The following GLIS1 variants were observed in gnomAD, a reference collection of about 807,000 sequenced individuals.
GLIS1 encodes zinc finger protein GLIS1.
GLIS1 carries 24 observed loss-of-function variants against 63.8 expected under a neutral mutation model. The ratio of observed to expected loss-of-function variants is 0.38; its 90% confidence interval spans 0.27 to 0.53. The LOEUF (loss-of-function observed/expected upper bound fraction) is 0.53. Among genes scored for constraint, GLIS1 ranks in the 20% least tolerant of loss-of-function variants. GLIS1 has a pLI of 0.85. For synonymous variants in GLIS1, 450 were observed against 482.5 expected, an observed-to-expected ratio of 0.93 and a Z score of 0.88; for missense variants, 1,036 against 1,074.1, an observed-to-expected ratio of 0.96 and a Z score of 0.50.
intron 2 of GLIS1, among the ~76,000 whole-genome samples, chr1:53,668,821 C>A (rs1004832968): frequency 2.6e-4 from 40 of 152,138 alleles, no homozygotes; most frequent in African/African-American, 8.9e-4. Context: ...CAGACAACAA[C>A]AAAATCACCT....
At chr1:53,688,767 A>G (rs1014823974) in intron 2 of GLIS1, 4 of 152,206 alleles carry the variant, frequency 2.6e-5, no homozygotes, top group Admixed American at 1.3e-4. Context: ...TTTCTGGTGA[A>G]AACCAAAAAA....
intron 2 of GLIS1, among the ~76,000 whole-genome samples, chr1:53,656,670 A>G (rs1645968761): frequency 6.6e-6 from 1 of 152,214 alleles, no homozygotes; most frequent in Non-Finnish European, 1.5e-5. Context: ...CACGGATTCC[A>G]TTTGCAACAA....
intron 6 of GLIS1, 144 bp downstream of exon 6, chr1:53,524,633 G>A: frequency 3.1e-6 from 2 of 643,052 alleles, no homozygotes; most frequent in Non-Finnish European, 5.6e-6. Context: ...GTGGACGGAC[G>A]GACGAACGGA....
rs78074913 is a variant in GLIS1 at position 53,627,581 on chromosome 1, C to T, written c.260-27303G>A. Among the ~76,000 whole-genome samples, 38 of 152,292 alleles carry T rather than the reference C, an allele frequency of 2.5e-4. No homozygotes were observed. In the East Asian group the frequency reaches 6.9e-3, roughly 28 times the overall value. The stretch of plus-strand genomic sequence containing the variant: ...GACGAATGAAATTTAAAATCCCTTT[C>T]GACAGATTAACTAGACGCACTTTGA... On this transcript the variant is annotated intron_variant, in intron 2 of 10. Coordinates refer to ENST00000628545, the MANE Select transcript of GLIS1 (RefSeq NM_001367484.1).
chr1:53,572,167 G>C (rs1195209898), intron 4 of GLIS1, among the ~76,000 whole-genome samples: 2 of 152,238 alleles, frequency 1.3e-5, no homozygotes, highest in African/African-American at 4.8e-5. Flanking sequence ...ACATGAGTCA[G>C]GGCTCTGGGG....
In GLIS1 at chr1:53,514,764, T is replaced by C. The variant is rs1313529098; in HGVS notation, c.1744A>G (p.Ile582Val). The change falls in exon 8 of 11, where the codon ATC (isoleucine) becomes GTC (valine). Residue 582 changes from isoleucine to valine, a missense_variant. Transcript: ENST00000628545. ...ELLPGVYPGS[I>V]TPHNGLASGL... ...GATGCAAGTCCGTTATGGGGGGTGA[T>C]GGAGCCAGGATACACACCTGCAGGG... 6.2e-7 allele frequency: 1 copy of C among 1,600,350 alleles called. No homozygotes were observed. Among genetic ancestry groups the C allele is most frequent in the Admixed American group, 1.7e-5 (1 of 59,104 alleles).
At chr1:53,690,098 C>T (rs1282534246) in intron 2 of GLIS1, among the ~76,000 whole-genome samples, 4 of 152,222 alleles carry the variant, frequency 2.6e-5, no homozygotes, top group African/African-American at 9.6e-5. Flanking sequence ...TGTGAGCACC[C>T]TGCGTCATGC....
chr1:53,626,192 T>C (rs887089955), intron 2 of GLIS1, among the ~76,000 whole-genome samples: 1 of 152,194 alleles, frequency 6.6e-6, no homozygotes, highest in African/African-American at 2.4e-5. Flanking sequence ...GACCAGAACC[T>C]GGCCAAATAG....
chr1:53,716,266 C>G (rs1557538269), intron 2 of GLIS1, among the ~76,000 whole-genome samples: 1 of 152,072 alleles, frequency 6.6e-6, no homozygotes, highest in African/African-American at 2.4e-5. Context: ...GGTAGGGGCC[C>G]AACAGTGAGA....
intron 2 of GLIS1, among the ~76,000 whole-genome samples, chr1:53,628,883 C>T (rs1645623549): frequency 6.6e-6 from 1 of 152,178 alleles, no homozygotes; most frequent in Admixed American, 6.5e-5. Context: ...GGACAGAATC[C>T]TGGCTCGTCT....
intron 4 of GLIS1, among the ~76,000 whole-genome samples, chr1:53,543,763 AC>A (rs34465315): frequency 6.7e-6 from 1 of 149,618 alleles, no homozygotes; most frequent in Admixed American, 6.7e-5. Context: ...GAGGTGACCC[AC>A]CCCTCACCTG....
At chr1:53,632,926 G>C (rs1411776132) in intron 2 of GLIS1, among the ~76,000 whole-genome samples, 1 of 149,876 alleles carries the variant, frequency 6.7e-6, no homozygotes, top group African/African-American at 2.5e-5. Flanking sequence ...GTGAATGAGT[G>C]TGACTGAGGG....
intron 4 of GLIS1, among the ~76,000 whole-genome samples, chr1:53,544,621 G>A (rs749634598): frequency 6.6e-6 from 1 of 152,180 alleles, no homozygotes; most frequent in Non-Finnish European, 1.5e-5. Flanking sequence ...CTGACCTCTG[G>A]GGACCCTCCA....
intron 4 of GLIS1, among the ~76,000 whole-genome samples, chr1:53,575,642 G>C (rs1236974018): frequency 6.6e-6 from 1 of 152,180 alleles, no homozygotes; most frequent in African/African-American, 2.4e-5. Flanking sequence ...AGCACTTCCA[G>C]GGCAAGATTC....
intron 2 of GLIS1, among the ~76,000 whole-genome samples, chr1:53,621,697 TA>T (rs1645544362): frequency 6.6e-6 from 1 of 151,956 alleles, no homozygotes; most frequent in African/African-American, 2.4e-5. Context: ...TAGCAGCATT[TA>T]AAAAATATAT....
At chr1:53,620,609 T>C (rs1645533077) in intron 2 of GLIS1, among the ~76,000 whole-genome samples, 1 of 152,236 alleles carries the variant, frequency 6.6e-6, no homozygotes, top group South Asian at 2.1e-4. Context: ...TCCAGGTGGC[T>C]CACTGGCTCT....
At chr1:53,606,672 C>T (rs1645372636) in intron 2 of GLIS1, among the ~76,000 whole-genome samples, 3 of 152,320 alleles carry the variant, frequency 2.0e-5, no homozygotes, top group East Asian at 1.9e-4. Context: ...GTGGACAGCC[C>T]GGTGGACCGG....
At chr1:53,534,783 G>T (rs983951318) in intron 4 of GLIS1, among the ~76,000 whole-genome samples, 3 of 151,934 alleles carry the variant, frequency 2.0e-5, no homozygotes, top group Non-Finnish European at 4.4e-5. Flanking sequence ...GCCTCACTCA[G>T]CTGCCCCTCT....
chr1:53,530,463 G>A (rs1420096585), intron 4 of GLIS1, among the ~76,000 whole-genome samples: 2 of 152,302 alleles, frequency 1.3e-5, no homozygotes, highest in East Asian at 1.9e-4. Flanking sequence ...TGACATGAGG[G>A]CCCCAGGGGG....
Sources: gnomAD v4.1 joint callset for allele counts (sites outside exome capture counted in the v4.1 genomes callset) on GRCh38, gnomAD v4.1.1 for gene constraint, MANE v1.5 for transcripts, NCBI Gene and HGNC (gene_info 2026-07-23, HGNC 2026-07-21) for gene names.